TAFA1: variants seen among roughly 807,000 people sequenced by gnomAD.
TAFA1 encodes the protein TAFA chemokine like family member 1.
A neutral mutation model predicts 18.5 loss-of-function variants in TAFA1; 4 were observed. The observed-to-expected ratio is 0.22, with a 90% CI of 0.11 to 0.49. The LOEUF is 0.49. TAFA1 is among the 20% of genes least tolerant of loss of function. TAFA1 has a pLI of 0.98. For missense variants in TAFA1, 147 were observed against 169.0 expected (o/e 0.87, Z 0.72); for synonymous variants, 56 against 55.2 (o/e 1.01, Z -0.06).
intron 3 of TAFA1, among the ~76,000 whole-genome samples, chr3:68,449,800 T>C (rs949688110): frequency 1.6e-4 from 24 of 152,214 alleles, no homozygotes; most frequent in African/African-American, 5.5e-4. Flanking sequence ...AAGATATATT[T>C]CTTTGTATTC....
chr3:68,406,879 C>T (rs1440579476), intron 2 of TAFA1, among the ~76,000 whole-genome samples: 2 of 152,136 alleles, frequency 1.3e-5, no homozygotes, highest in Admixed American at 6.5e-5. Flanking sequence ...CATTGGTGCA[C>T]CTTTGGGTGA....
chr3:68,406,100 C>T (rs567764847), intron 2 of TAFA1, among the ~76,000 whole-genome samples: 2 of 152,190 alleles, frequency 1.3e-5, no homozygotes, highest in African/African-American at 4.8e-5. Flanking sequence ...CCAAATTCAT[C>T]CAGCTAGTAA....
intron 3 of TAFA1, among the ~76,000 whole-genome samples, chr3:68,445,449 T>C (rs1321247590): frequency 6.6e-6 from 1 of 152,190 alleles, no homozygotes; most frequent in African/African-American, 2.4e-5. Flanking sequence ...ATTTATGCAA[T>C]GAAGTATGGG....
At chr3:68,290,615 C>G (rs763668728) in intron 2 of TAFA1, among the ~76,000 whole-genome samples, 1 of 152,064 alleles carries the variant, frequency 6.6e-6, no homozygotes, top group Non-Finnish European at 1.5e-5. Context: ...AGATAACAAG[C>G]TTTGACAGCT....
chr3:68,528,962 C>T (rs1322366156), intron 3 of TAFA1, among the ~76,000 whole-genome samples: 3 of 152,066 alleles, frequency 2.0e-5, no homozygotes, highest in African/African-American at 7.2e-5. Context: ...CTGCTAAGTA[C>T]TTCAAATGTA....
At chr3:68,417,446 A>G (rs1317690185) in intron 3 of TAFA1, 26 bp downstream of exon 3, 1 of 1,611,768 alleles carries the variant, frequency 6.2e-7, no homozygotes, top group East Asian at 2.2e-5. Flanking sequence ...TACCTCTTGA[A>G]AAGCTCACAT....
At chr3:68,293,082 C>A (rs993634963) in intron 2 of TAFA1, among the ~76,000 whole-genome samples, 22 of 151,976 alleles carry the variant, frequency 1.4e-4, no homozygotes, top group Non-Finnish European at 2.9e-5. Context: ...ACAGCTACAA[C>A]CTTCTAGCTG....
At chr3:68,275,973 C>A (rs1309742397) in intron 2 of TAFA1, among the ~76,000 whole-genome samples, 1 of 152,084 alleles carries the variant, frequency 6.6e-6, no homozygotes, top group Non-Finnish European at 1.5e-5. Flanking sequence ...CCACTTATTT[C>A]TGCAAACTTA....
intron 2 of TAFA1, among the ~76,000 whole-genome samples, chr3:68,382,681 C>T (rs999047071): frequency 2.0e-5 from 3 of 151,688 alleles, no homozygotes. Flanking sequence ...CTTAGGATTG[C>T]CTTTTTGAGC....
At chr3:68,242,591 T>A (rs2067013726) in intron 2 of TAFA1, among the ~76,000 whole-genome samples, 1 of 152,168 alleles carries the variant, frequency 6.6e-6, no homozygotes, top group Non-Finnish European at 1.5e-5. Context: ...CTAGTTTAAT[T>A]GCCACATTAA....
chr3:68,036,709 G>A (rs192400867), intron 2 of TAFA1, among the ~76,000 whole-genome samples: 104 of 152,116 alleles, frequency 6.8e-4, no homozygotes, highest in African/African-American at 2.4e-3. Flanking sequence ...GTGAAGGTGG[G>A]TCCCTTAACT....
intron 2 of TAFA1, among the ~76,000 whole-genome samples, chr3:68,342,219 C>A (rs1165129635): frequency 1.3e-5 from 2 of 152,126 alleles, no homozygotes; most frequent in Non-Finnish European, 2.9e-5. Flanking sequence ...ATGTATCAGC[C>A]CCATGTGAGA....
At chr3:68,461,846 C>A (rs921974294) in intron 3 of TAFA1, among the ~76,000 whole-genome samples, 1 of 151,996 alleles carries the variant, frequency 6.6e-6, no homozygotes, top group Non-Finnish European at 1.5e-5. Context: ...TCTGGTAGCA[C>A]TTTCGGCTGT....
chr3:68,322,065 T>G (rs751174690), intron 2 of TAFA1, among the ~76,000 whole-genome samples: 1 of 152,216 alleles, frequency 6.6e-6, no homozygotes, highest in Admixed American at 6.5e-5. Flanking sequence ...AAAAGAATTT[T>G]ACATACTTAA....
intron 2 of TAFA1, among the ~76,000 whole-genome samples, chr3:68,229,181 G>T (rs1381029013): frequency 6.6e-6 from 1 of 152,114 alleles, no homozygotes; most frequent in Non-Finnish European, 1.5e-5. Flanking sequence ...GAGTAGATTT[G>T]GAAGTCATAG....
chr3:68,235,374 C>G (rs919497402), intron 2 of TAFA1, among the ~76,000 whole-genome samples: 1 of 152,126 alleles, frequency 6.6e-6, no homozygotes, highest in Non-Finnish European at 1.5e-5. Flanking sequence ...AGCCTTAACA[C>G]CTACCAGTTA....
intron 2 of TAFA1, among the ~76,000 whole-genome samples, chr3:68,134,211 G>A (rs773192641): frequency 2.0e-5 from 3 of 152,066 alleles, no homozygotes; most frequent in Non-Finnish European, 2.9e-5. Context: ...AAGGGAGATT[G>A]GAGATTTGAT....
chr3:68,310,167 T>G (rs1439460977), intron 2 of TAFA1, among the ~76,000 whole-genome samples: 1 of 152,146 alleles, frequency 6.6e-6, no homozygotes, highest in Non-Finnish European at 1.5e-5. Flanking sequence ...TTTCATGTCT[T>G]TTTTTCAGGA....
intron 3 of TAFA1, among the ~76,000 whole-genome samples, chr3:68,427,648 C>T (rs965525725): frequency 6.6e-6 from 1 of 151,636 alleles, no homozygotes; most frequent in Admixed American, 6.6e-5. Flanking sequence ...TTTTTGAAAA[C>T]CTACCACCCC....
Sources: gnomAD v4.1 joint callset for allele counts (sites outside exome capture counted in the v4.1 genomes callset) on GRCh38, gnomAD v4.1.1 for gene constraint, MANE v1.5 for transcripts, NCBI Gene and HGNC (gene_info 2026-07-23, HGNC 2026-07-21) for gene names.